SLC35E2B: variants seen among roughly 807,000 people sequenced by gnomAD.
SLC35E2B encodes solute carrier family 35, member E2B.
Under a neutral mutation model 32.4 loss-of-function variants are expected in SLC35E2B, and 18 were observed. The ratio of observed to expected loss-of-function variants is 0.56; its 90% CI spans 0.38 to 0.82. The LOEUF (loss-of-function observed/expected upper bound fraction) is 0.82, where lower values mean the gene tolerates loss of function less well. Among genes scored for constraint, SLC35E2B ranks in the 40% least tolerant of loss-of-function variants. The pLI, the probability that SLC35E2B is intolerant of heterozygous loss-of-function variation, is 0.00. For missense variants in SLC35E2B, 263 were observed against 469.5 expected, an observed-to-expected ratio of 0.56 and a Z score of 4.06; for synonymous variants, 132 against 209.1, an observed-to-expected ratio of 0.63 and a Z score of 3.18.
intron 6 of SLC35E2B, chr1:1,670,423 A>ATTT: frequency 1.4e-5 from 3 of 211,810 alleles, no homozygotes; most frequent in East Asian, 2.5e-4. Flanking sequence ...CGCCCAACAG[A>ATTT]TTTTTTTTTT....
At chr1:1,680,923 C>T (rs1416839092) in intron 2 of SLC35E2B, among the ~76,000 whole-genome samples, 1 of 151,962 alleles carries the variant, frequency 6.6e-6, no homozygotes, top group Non-Finnish European at 1.5e-5. Context: ...CTGCCTCAGC[C>T]TCCCGAGTAA....
chr1:1,689,446 T>C (rs3737623), intron 2 of SLC35E2B, among the ~76,000 whole-genome samples: 47,684 of 150,962 alleles, frequency 0.32, 9,886 homozygotes, highest in East Asian at 0.53. Context: ...ATCACCCACG[T>C]GAGACACACG....
intron 9 of SLC35E2B, 124 bp from the exon 10 acceptor site, chr1:1,666,143 A>G: frequency 8.5e-7 from 1 of 1,174,454 alleles, no homozygotes; most frequent in African/African-American, 1.5e-5. Context: ...CGTCACGGTG[A>G]CATCAGCCCT....
At position 1,662,622 on chromosome 1, in the gene SLC35E2B, G is replaced by A; in HGVS notation, c.*3160C>T. 1 of 848,788 alleles carries A rather than the reference G, an allele frequency of 1.2e-6. No individual in the cohort carries two copies. Among genetic ancestry groups the A allele is most frequent in the Non-Finnish European group, 1.4e-6 (1 of 704,968 alleles). 52.6% of individuals were successfully genotyped at this position (848,788 alleles called of 1,614,324 possible). A position where few individuals can be genotyped will look rare whatever the true frequency, so the allele number is the denominator to read the frequency against. On this transcript the variant is annotated 3_prime_UTR_variant, in exon 10 of 10. Coordinates refer to ENST00000617444, the MANE Select transcript of SLC35E2B (RefSeq NM_001290264.2). ...GTGCAACAGTGTTCTCATCTTTCCA[G>A]GCAGGCAGATTATTTTAATGCTGTT...
chr1:1,669,612 C>G, intron 8 of SLC35E2B, 52 bp downstream of exon 8: 1 of 1,470,762 alleles, frequency 6.8e-7, no homozygotes, highest in Non-Finnish European at 9.1e-7. Context: ...CCTGAATCAC[C>G]GGAGAAGGCA....
intron 9 of SLC35E2B, 57 bp from the exon 10 acceptor site, chr1:1,666,076 T>C (rs1457050715): frequency 6.6e-7 from 1 of 1,504,618 alleles, no homozygotes; most frequent in Admixed American, 2.1e-5. Flanking sequence ...CCTCAGCCCG[T>C]GGCCAGCAGC....
chr1:1,688,404 A>C (rs1490875609), intron 2 of SLC35E2B, among the ~76,000 whole-genome samples: 2 of 151,934 alleles, frequency 1.3e-5, no homozygotes, highest in African/African-American at 4.8e-5. Context: ...CAGGACATCG[A>C]GATCCTCCTG....
At chr1:1,674,647 C>CA (rs1246459388) in intron 5 of SLC35E2B, among the ~76,000 whole-genome samples, 7 of 134,078 alleles carry the variant, frequency 5.2e-5, no homozygotes, top group African/African-American at 1.0e-4. Flanking sequence ...AAAAAAAAAA[C>CA]AAAAAAAAAC....
intron 5 of SLC35E2B, among the ~76,000 whole-genome samples, chr1:1,673,783 G>C (rs1643767504): frequency 6.6e-6 from 1 of 151,994 alleles, no homozygotes; most frequent in Non-Finnish European, 1.5e-5. Context: ...CTAACACGGT[G>C]AAACCCAGTC....
In SLC35E2B at chr1:1,669,711, T is replaced by C; in HGVS notation, c.787A>G (p.Ser263Gly). ...FSAPELQFYT[S>G]AAAVAMLVPA... ...ACGAGCATGGCCACCGCAGCGGCGC[T>C]GGTGTAGAACTGCAGCTCCGGGGCC... The change falls in exon 8 of 10, where the codon AGC becomes GGC. Residue 263 changes from serine to glycine, a missense_variant. Ser to Gly is a moderately conservative substitution (Grantham distance 56, BLOSUM62 0). Around this residue, in one of 7 missense-constraint regions of SLC35E2B, gnomAD observed 129 missense variants for 164.5 expected, o/e 0.78. Coordinates refer to ENST00000617444, the MANE Select transcript of SLC35E2B (RefSeq NM_001290264.2). 6.5e-7 allele frequency: 1 copy of C among 1,540,130 alleles called. No homozygotes were observed. Among genetic ancestry groups the C allele is most frequent in the African/African-American group, 1.4e-5 (1 of 72,938 alleles).
chr1:1,667,539 C>A (rs547095290), intron 9 of SLC35E2B, among the ~76,000 whole-genome samples: 9 of 152,304 alleles, frequency 5.9e-5, no homozygotes, highest in South Asian at 2.1e-4. Flanking sequence ...CCGCACGGCA[C>A]AGGAAGCAGT....
chr1:1,671,289 A>G (rs1222385313), intron 6 of SLC35E2B: 10 of 414,054 alleles, frequency 2.4e-5, no homozygotes, highest in Middle Eastern at 1.2e-3. Context: ...CATGGTTAGC[A>G]TTTTAAGTAC....
intron 2 of SLC35E2B, among the ~76,000 whole-genome samples, chr1:1,684,072 G>C (rs941309719): frequency 1.3e-5 from 2 of 152,098 alleles, no homozygotes; most frequent in African/African-American, 4.8e-5. Context: ...CACGTCTGGG[G>C]CACAGCCCAG....
chr1:1,674,646 A>C (rs916137910), intron 5 of SLC35E2B, among the ~76,000 whole-genome samples: 13 of 149,912 alleles, frequency 8.7e-5, no homozygotes, highest in African/African-American at 1.2e-4. Context: ...AAAAAAAAAA[A>C]CAAAAAAAAA....
intron 2 of SLC35E2B, among the ~76,000 whole-genome samples, chr1:1,684,803 A>AAC (rs1253566556): frequency 2.7e-5 from 4 of 147,718 alleles, no homozygotes; most frequent in African/African-American, 9.9e-5. Flanking sequence ...AAAAAAAAAA[A>AAC]AAAAAAAAAA....
Position 1,662,404 on chromosome 1 carries a change from C to T in SLC35E2B, c.*3378G>A. ...AAGCTGTCTTGTTGGCCTGTTATTC[C>T]CACTGACCCGTCTGAGTGATCACCC... On this transcript the variant is annotated 3_prime_UTR_variant, in exon 10 of 10. Coordinates refer to ENST00000617444, the MANE Select transcript of SLC35E2B (RefSeq NM_001290264.2). 1.1e-6 allele frequency: 1 copy of T among 886,328 alleles called. No individual in the cohort carries two copies. Among genetic ancestry groups the T allele is most frequent in the Non-Finnish European group, 1.3e-6 (1 of 750,170 alleles). 54.9% of individuals were successfully genotyped at this position (886,328 alleles called of 1,614,324 possible). A position where few individuals can be genotyped will look rare whatever the true frequency, so the allele number is the denominator to read the frequency against.
rs996256983 is a variant in SLC35E2B at position 1,680,140 on chromosome 1, T to A, written c.-147-3294A>T. ...GAAACTCCGTCTCAAAAAAAAAAAA[T>A]TTTTTTTTAATGTAGCCGGGCATGG... On this transcript the variant is annotated intron_variant, in intron 2 of 9. Coordinates refer to ENST00000617444, the MANE Select transcript of SLC35E2B (RefSeq NM_001290264.2). Among the ~76,000 whole-genome samples, 56 of 146,444 alleles carry A rather than the reference T, an allele frequency of 3.8e-4. 1 individual carries two copies. The highest frequency in any genetic ancestry group is 3.6e-3 in the Middle Eastern group (1 of 278).
chr1:1,679,642 C>CGTGG (rs1189276054), intron 2 of SLC35E2B, among the ~76,000 whole-genome samples: 2 of 150,604 alleles, frequency 1.3e-5, no homozygotes, highest in African/African-American at 4.9e-5. Flanking sequence ...GCCTGGCAAA[C>CGTGG]ACAGCAAAAC....
chr1:1,689,636 A>G, intron 2 of SLC35E2B, among the ~76,000 whole-genome samples: 1 of 151,526 alleles, frequency 6.6e-6, no homozygotes, highest in Non-Finnish European at 1.5e-5. Flanking sequence ...TGACCCATTA[A>G]AAAAAGGGTC....
Sources: gnomAD v4.1 joint callset for allele counts (sites outside exome capture counted in the v4.1 genomes callset) on GRCh38, gnomAD v4.1.1 for gene constraint, gnomAD v4.1.1 regional missense constraint, MANE v1.5 for transcripts, NCBI Gene and HGNC (gene_info 2026-07-23, HGNC 2026-07-21) for gene names.